The following RBPJ variants were observed in gnomAD, a reference collection of about 807,000 sequenced individuals.
RBPJ encodes the protein recombining binding protein suppressor of hairless.
Under a neutral mutation model 67.8 loss-of-function variants are expected in RBPJ, and 9 were observed. The observed-to-expected ratio is 0.13, with a 90% CI of 0.08 to 0.23. The LOEUF (loss-of-function observed/expected upper bound fraction) is 0.23, where lower values mean the gene tolerates loss of function less well. Among genes scored for constraint, RBPJ ranks in the 10% least tolerant of loss-of-function variants. The pLI is 1.00. For synonymous variants in RBPJ, 198 were observed against 203.3 expected (o/e 0.97, Z 0.22); for missense variants, 305 against 595.6 (o/e 0.51, Z 5.08).
At chr4:26,218,041 T>C (rs1718775944) in intron 1 of RBPJ, among the ~76,000 whole-genome samples, 1 of 152,118 alleles carries the variant, frequency 6.6e-6, no homozygotes. Context: ...CTAGGAGCAA[T>C]GTTGATTTTC....
the RBPJ span, among the ~76,000 whole-genome samples, chr4:26,120,367 C>T: frequency 6.6e-6 from 1 of 152,150 alleles, no homozygotes; most frequent in South Asian, 2.1e-4. Context: ...CACCCATCAC[C>T]TTGGACAAGC....
At chr4:26,179,354 C>G (rs1310392216) in intron 1 of RBPJ, among the ~76,000 whole-genome samples, 1 of 150,064 alleles carries the variant, frequency 6.7e-6, no homozygotes, top group Non-Finnish European at 1.5e-5. Context: ...CAAAGAGTTA[C>G]TAATGCGGAT....
upstream of RBPJ, among the ~76,000 whole-genome samples, chr4:26,316,479 A>G (rs1029837458): frequency 8.2e-6 from 1 of 122,480 alleles, no homozygotes; most frequent in Non-Finnish European, 1.7e-5. Context: ...ACATTCATAT[A>G]TACATATTCA....
At position 26,178,255 on chromosome 4, in the gene RBPJ, G is replaced by A. The variant is rs544411708; in HGVS notation, c.-167+14641G>A. ...GTGTCTTCCAGAGGCCCCAGCAACC[G>A]AACTAGCTGGAGAACCACTGGACTC... is the stretch of plus-strand genomic sequence containing the variant. On this transcript the variant is annotated intron_variant, in intron 1 of 4. Coordinates refer to the RBPJ transcript ENST00000512351. Among the ~76,000 whole-genome samples the A allele has an allele frequency of 1.2e-4, 18 of 152,242 alleles. No homozygotes were observed. In the South Asian group the frequency reaches 2.9e-3, roughly 25 times the overall value.
At chr4:26,332,399 G>A (rs1048852419) in intron 1 of RBPJ, among the ~76,000 whole-genome samples, 6 of 152,146 alleles carry the variant, frequency 3.9e-5, no homozygotes, top group Admixed American at 6.5e-5. Flanking sequence ...GAAATTGTCA[G>A]TTGCTTAAAT....
chr4:26,135,977 A>G, the RBPJ span, among the ~76,000 whole-genome samples: 1 of 152,186 alleles, frequency 6.6e-6, no homozygotes, highest in Non-Finnish European at 1.5e-5. Flanking sequence ...TGACTCACAT[A>G]TGGCTGGGGA....
chr4:26,363,927 T>C (rs574788971), intron 1 of RBPJ, among the ~76,000 whole-genome samples: 8 of 152,148 alleles, frequency 5.3e-5, no homozygotes, highest in Non-Finnish European at 5.9e-5. Context: ...AAATTTTGAG[T>C]GATGTAATGA....
At chr4:26,247,053 GC>G (rs1386991510) in intron 1 of RBPJ, among the ~76,000 whole-genome samples, 4 of 148,060 alleles carry the variant, frequency 2.7e-5, no homozygotes, top group African/African-American at 1.0e-4. Flanking sequence ...GCTCACTGCA[GC>G]CTCAATCTCC....
chr4:26,110,591 T>C, the RBPJ span, among the ~76,000 whole-genome samples: 5 of 152,360 alleles, frequency 3.3e-5, no homozygotes, highest in African/African-American at 1.2e-4. This position sits in a 1 kb window ranked among gnomAD's most constrained non-coding sequence, Gnocchi z 4.5. Flanking sequence ...CAGTATGAAC[T>C]CAGCTTCCCA....
chr4:26,410,738 T>C (rs1331329665), intron 3 of RBPJ, among the ~76,000 whole-genome samples: 2 of 152,228 alleles, frequency 1.3e-5, no homozygotes, highest in African/African-American at 4.8e-5. Context: ...CCTAATTTAT[T>C]TTATATATTG....
At chr4:26,426,494 A>T (rs1735683221) in intron 7 of RBPJ, among the ~76,000 whole-genome samples, 2 of 152,214 alleles carry the variant, frequency 1.3e-5, no homozygotes. Context: ...TAAGACGCTG[A>T]TACATAAATC....
At chr4:26,353,821 G>C (rs1727063268) in intron 1 of RBPJ, among the ~76,000 whole-genome samples, 1 of 151,778 alleles carries the variant, frequency 6.6e-6, no homozygotes, top group Non-Finnish European at 1.5e-5. Context: ...ATGTTGGTCA[G>C]GCTGGTCTTG....
intron 1 of RBPJ, among the ~76,000 whole-genome samples, chr4:26,171,063 A>G (rs894291162): frequency 6.6e-6 from 1 of 152,184 alleles, no homozygotes. Context: ...TTAGACTTGG[A>G]GTCGAAGGAC....
chr4:26,244,186 T>TACATATATGTGTAC (rs1719758619), intron 1 of RBPJ, among the ~76,000 whole-genome samples: 1 of 124,564 alleles, frequency 8.0e-6, no homozygotes, highest in East Asian at 2.2e-4. Context: ...CATATATGTA[T>TACATATATGTGTAC]ACATATATGT....
intron 1 of RBPJ, among the ~76,000 whole-genome samples, chr4:26,271,939 T>C (rs1446552329): frequency 1.3e-5 from 2 of 152,214 alleles, no homozygotes; most frequent in Non-Finnish European, 2.9e-5. Context: ...CACAGGTATA[T>C]AGGCACATGG....
At chr4:26,192,317 A>C (rs985484094) in intron 1 of RBPJ, among the ~76,000 whole-genome samples, 1 of 152,098 alleles carries the variant, frequency 6.6e-6, no homozygotes, top group Non-Finnish European at 1.5e-5. Flanking sequence ...CCATTCTTTA[A>C]CTTTATAAAT....
At chr4:26,275,557 C>T (rs150432587) in intron 1 of RBPJ, among the ~76,000 whole-genome samples, 9 of 152,310 alleles carry the variant, frequency 5.9e-5, no homozygotes, top group African/African-American at 2.2e-4. Flanking sequence ...CGGAGAAAAA[C>T]CATCCAGGAA....
At chr4:26,325,259 A>T (rs1040218553) in intron 1 of RBPJ, among the ~76,000 whole-genome samples, 3 of 152,174 alleles carry the variant, frequency 2.0e-5, no homozygotes, top group Non-Finnish European at 4.4e-5. Flanking sequence ...CACCTGGTTT[A>T]CTATGACGTA....
At chr4:26,252,805 C>G (rs138632851) in intron 1 of RBPJ, among the ~76,000 whole-genome samples, 1 of 152,010 alleles carries the variant, frequency 6.6e-6, no homozygotes, top group South Asian at 2.1e-4. Context: ...CTTTTGGATT[C>G]GAGTTGAATG....
Sources: allele counts gnomAD v4.1 joint callset (sites outside exome capture counted in the v4.1 genomes callset), GRCh38; gene constraint gnomAD v4.1.1; non-coding constraint Gnocchi (gnomAD v3.1); transcripts MANE v1.5; gene names NCBI Gene and HGNC (gene_info 2026-07-23, HGNC 2026-07-21).